Variants in TMBIM6 observed in about 807,000 individuals in gnomAD.
TMBIM6 encodes bax inhibitor 1.
In TMBIM6, 13 loss-of-function variants were observed where a neutral mutation model predicts 31.4. The observed-to-expected ratio is 0.41, with a 90% CI of 0.27 to 0.66. The LOEUF is 0.66. Among genes scored for constraint, TMBIM6 ranks in the 30% least tolerant of loss-of-function variants. The pLI is 0.28. For missense variants in TMBIM6, 275 were observed against 289.5 expected (o/e 0.95, Z 0.36); for synonymous variants, 85 against 101.7 (o/e 0.84, Z 0.99).
chr12:49,758,904 T>C, intron 7 of TMBIM6, 142 bp downstream of exon 7: 4 of 756,736 alleles, frequency 5.3e-6, no homozygotes, highest in Non-Finnish European at 8.5e-6. Flanking sequence ...GGATGGAGCC[T>C]TCTGCCACAA....
chr12:49,742,303 G>A, intron 1 of TMBIM6: 1 of 1,544,406 alleles, frequency 6.5e-7, no homozygotes, highest in Non-Finnish European at 8.7e-7. Context: ...TGCTTTGCTT[G>A]GTCTTGAGGT....
chr12:49,749,848 T>G (rs187139891), intron 1 of TMBIM6: 1 of 152,318 alleles, frequency 6.6e-6, no homozygotes. Context: ...CAGTGATAGG[T>G]CAACCCTGGT....
At chr12:49,760,205 C>A (rs1375391965) in intron 8 of TMBIM6, among the ~76,000 whole-genome samples, 2 of 150,326 alleles carry the variant, frequency 1.3e-5, no homozygotes, top group Non-Finnish European at 3.0e-5. Flanking sequence ...AGAGATCTTT[C>A]TCCTTTTCCT....
At chr12:49,753,611 A>C (rs143375474) in intron 3 of TMBIM6, among the ~76,000 whole-genome samples, 2 of 152,296 alleles carry the variant, frequency 1.3e-5, no homozygotes, top group African/African-American at 4.8e-5. Flanking sequence ...AATAACCAGA[A>C]AGTTTGAAGA....
At chr12:49,745,736 C>A (rs1467596378) in intron 1 of TMBIM6, among the ~76,000 whole-genome samples, 2 of 112,728 alleles carry the variant, frequency 1.8e-5, no homozygotes, top group Admixed American at 7.9e-5. Context: ...AAAAAAAAAA[C>A]CCAGCACATT....
At chr12:49,751,196 T>C (rs1233692297) in intron 1 of TMBIM6, among the ~76,000 whole-genome samples, 2 of 152,162 alleles carry the variant, frequency 1.3e-5, no homozygotes, top group African/African-American at 4.8e-5. Flanking sequence ...TATAGTTCAG[T>C]TTAAAAATGC....
chr12:49,758,818 C>CT (rs57007895), intron 7 of TMBIM6, 56 bp downstream of exon 7: 139,078 of 1,145,058 alleles, frequency 0.12, 1,062 homozygotes, highest in African/African-American at 0.19. Context: ...TCTTTCTTTC[C>CT]TTTTTTTTTT....
intron 1 of TMBIM6, 53 bp from the exon 2 acceptor site, chr12:49,752,411 T>C: frequency 1.6e-6 from 2 of 1,242,864 alleles, no homozygotes; most frequent in Non-Finnish European, 2.2e-6. Flanking sequence ...TTTTATAAGC[T>C]GTTCGTGTGA....
rs1945575334 is a variant in TMBIM6, at chr12:49,755,640, C to T, written c.171C>T (p.Gly57=). 2 of 1,613,636 alleles carry T rather than the reference C, an allele frequency of 1.2e-6. No homozygotes were observed. The highest frequency in any genetic ancestry group is 1.7e-5 in the Admixed American group (1 of 59,910). ...VHMVTHFIQA[G]LLSALGSLIL... is the part of the protein sequence containing the mutation. ...ATTGATTCTGACTCTAACAGGCTGG[C>T]CTGCTGTCTGCCTTGGGCTCCCTGA... The change falls in exon 4 of 10, where the codon GGC becomes GGT. Residue 57 remains glycine (G), a synonymous_variant. Transcript: ENST00000267115.
intron 3 of TMBIM6, among the ~76,000 whole-genome samples, chr12:49,754,455 C>A (rs1445225291): frequency 1.3e-5 from 2 of 152,108 alleles, no homozygotes; most frequent in Non-Finnish European, 2.9e-5. Context: ...GTTAAGGAAT[C>A]AAAAATAATG....
At chr12:49,746,752 C>T (rs756470346) in intron 1 of TMBIM6, among the ~76,000 whole-genome samples, 3 of 151,946 alleles carry the variant, frequency 2.0e-5, no homozygotes, top group Non-Finnish European at 2.9e-5. Flanking sequence ...GAATGGAAAG[C>T]TTTCTTGGCC....
chr12:49,756,532 C>T (rs1278986600), intron 4 of TMBIM6, among the ~76,000 whole-genome samples: 1 of 150,342 alleles, frequency 6.7e-6, no homozygotes, highest in Non-Finnish European at 1.5e-5. Flanking sequence ...CAATCTCTGC[C>T]TCCCAGGTTC....
intron 1 of TMBIM6, chr12:49,742,421 A>G: frequency 3.3e-6 from 4 of 1,195,320 alleles, no homozygotes; most frequent in South Asian, 3.4e-5. Flanking sequence ...GTATCTTTGT[A>G]TATTTACTGA....
chr12:49,756,166 G>A (rs886280451), intron 4 of TMBIM6, among the ~76,000 whole-genome samples: 2 of 148,336 alleles, frequency 1.3e-5, no homozygotes, highest in Non-Finnish European at 3.0e-5. Context: ...CAGTGTCTCC[G>A]TCTGTCACCC....
At chr12:49,745,384 T>C (rs543550746) in intron 1 of TMBIM6, among the ~76,000 whole-genome samples, 3 of 152,308 alleles carry the variant, frequency 2.0e-5, no homozygotes, top group Non-Finnish European at 4.4e-5. Context: ...TTGGACTTAA[T>C]GATTTTTTAC....
Position 49,763,227 on chromosome 12 carries a change from G to C in TMBIM6, c.*331G>C, listed in dbSNP as rs1945753621. The C allele has an allele frequency of 4.0e-6, 1 of 250,910 alleles. No homozygotes were observed. The highest frequency in any genetic ancestry group is 4.7e-5 in the Admixed American group (1 of 21,288). The allele number at this position is 250,910 out of a possible 1,614,324, so 15.5% of individuals were successfully genotyped here. On this transcript the variant is annotated 3_prime_UTR_variant, in exon 10 of 10. Coordinates refer to ENST00000267115, the MANE Select transcript of TMBIM6 (RefSeq NM_003217.3). ...CTTCAGGAGTCCGCTTTCCCACCAG[G>C]CTTCATTCACCCAGTGGACCTGAAC...
In TMBIM6 at chr12:49,755,700, C is replaced by T. The variant is rs765401116; in HGVS notation, c.231C>T (p.Ser77=). Residue 77 remains serine (S), a synonymous_variant, in exon 4 of 10, where the codon AGC becomes AGT. Coordinates refer to ENST00000267115, the MANE Select transcript of TMBIM6 (RefSeq NM_003217.3). ...LMIWLMATPH[S]HETEQKRLGL... ...TTTGGCTGATGGCAACACCTCATAG[C>T]CATGAAACTGAACAGAAAAGACTGG... 2 of 1,614,040 alleles carry T rather than the reference C, an allele frequency of 1.2e-6. No homozygotes were observed. The highest frequency in any genetic ancestry group is 2.7e-5 in the African/African-American group (2 of 74,914).
At chr12:49,761,627 T>A (rs1592734300) in intron 8 of TMBIM6, 77 bp from the exon 9 acceptor site, 2 of 1,399,132 alleles carry the variant, frequency 1.4e-6, no homozygotes, top group Admixed American at 1.9e-5. Flanking sequence ...AGGGGTGGGG[T>A]TTATATTCTG....
chr12:49,758,712 C>G lies in TMBIM6; in HGVS notation c.463C>G (p.Leu155Val). ...CTTGATGTCAGCCCTGAGCTTGTTG[C>G]TTTTGTCTTCCCTGGGGAATGTTTT... The part of the protein sequence containing the change: ...GILMSALSLL[L>V]LSSLGNVFFG... The change falls in exon 7 of 10, where the codon CTT (leucine) becomes GTT (valine). Residue 155 changes from leucine to valine, a missense_variant. Physicochemically the swap from Leu to Val is conservative, Grantham distance 32 (BLOSUM62 1). Coordinates refer to ENST00000267115, the MANE Select transcript of TMBIM6 (RefSeq NM_003217.3). 6.2e-7 allele frequency: 1 copy of G among 1,613,786 alleles called. No individual in the cohort carries two copies. Among genetic ancestry groups the G allele is most frequent in the Non-Finnish European group, 8.5e-7 (1 of 1,180,010 alleles).
Sources: gnomAD v4.1 joint callset for allele counts (sites outside exome capture counted in the v4.1 genomes callset) on GRCh38, gnomAD v4.1.1 for gene constraint, MANE v1.5 for transcripts, NCBI Gene and HGNC (gene_info 2026-07-23, HGNC 2026-07-21) for gene names.